SPDYE5: variants seen among roughly 807,000 people sequenced by gnomAD.
SPDYE5 encodes speedy protein E5.
A neutral mutation model predicts 48.5 loss-of-function variants in SPDYE5; 15 were observed. That is an observed-to-expected ratio of 0.31 (90% CI 0.21 to 0.48). The LOEUF (loss-of-function observed/expected upper bound fraction) is 0.48, where lower values mean the gene tolerates loss of function less well. Among genes scored for constraint, SPDYE5 ranks in the 20% least tolerant of loss-of-function variants. The pLI is 0.99. For synonymous variants in SPDYE5, 116 were observed against 200.7 expected, an observed-to-expected ratio of 0.58 and a Z score of 3.57; for missense variants, 331 against 549.1, an observed-to-expected ratio of 0.60 and a Z score of 3.97.
rs374159774 is a variant in SPDYE5, at chr7:75,496,864, C to T, written c.570C>T (p.Leu190=). Residue 190 remains leucine, a synonymous_variant, in exon 4 of 9, where the codon CTC becomes CTT. Coordinates refer to ENST00000625065, the MANE Select transcript of SPDYE5 (RefSeq NM_001306141.4). ...KMKLKRRRVS[L]VLPEHHEAFN... ...AGCTGAAGCGACGGCGAGTGTCGCT[C>T]GTGCTCCCTGAGCACCACGAGGCCT... The T allele has an allele frequency of 3.0e-4, 450 of 1,491,510 alleles. 2 individuals carry two copies. The East Asian group carries it at 0.01, about 34-fold the overall frequency. The allele number at this position is 1,491,510 out of a possible 1,614,324, so 92.4% of individuals were successfully genotyped here.
chr7:75,501,527 C>A lies in SPDYE5; in HGVS notation c.921C>A (p.Pro307=), dbSNP rs781922462. ...CCAGGAAGAAGCGCTCTCGCATACCCTTGCTCCGTAAGCGTCGGTTCCAGT... is the reference window on the plus strand; with the variant it reads ...CCAGGAAGAAGCGCTCTCGCATACCATTGCTCCGTAAGCGTCGGTTCCAGT... The part of the protein sequence containing the change: ...PRARKKRSRI[P]LLRKRRFQLG... The change falls in exon 7 of 9, where the codon CCC becomes CCA. Residue 307 remains proline, a synonymous_variant. Transcript: ENST00000625065. 2 of 1,514,128 alleles carry A rather than the reference C, an allele frequency of 1.3e-6. No individual in the cohort carries two copies. Among genetic ancestry groups the A allele is most frequent in the African/African-American group, 1.4e-5 (1 of 72,398 alleles). 93.8% of individuals were successfully genotyped at this position (1,514,128 alleles called of 1,614,324 possible). A position where few individuals can be genotyped will look rare whatever the true frequency, so the allele number is the denominator to read the frequency against.
intron 4 of SPDYE5, among the ~76,000 whole-genome samples, chr7:75,497,264 A>C (rs879950840): frequency 4.0e-5 from 6 of 151,674 alleles, no homozygotes; most frequent in Admixed American, 6.6e-5. Context: ...AGAGCAAAAC[A>C]CTGTCTCAAA....
intron 3 of SPDYE5, among the ~76,000 whole-genome samples, chr7:75,495,928 G>A (rs2116601805): frequency 6.6e-6 from 1 of 151,878 alleles, no homozygotes; most frequent in Non-Finnish European, 1.5e-5. Context: ...TACTCGGGAG[G>A]CTGAGACAGG....
Position 75,503,780 on chromosome 7 carries a change from T to C in SPDYE5, c.*993T>C, listed in dbSNP as rs1322153155. The C allele has an allele frequency of 6.7e-6, 1 of 149,556 alleles. No individual in the cohort carries two copies. The highest frequency in any genetic ancestry group is 1.5e-5 in the Non-Finnish European group (1 of 67,450). 9.3% of individuals were successfully genotyped at this position (149,556 alleles called of 1,614,324 possible). ...ATAGAATTATTTAAATATTATTTTA[T>C]TTATTGAAATATTTATTAAATATAT... On this transcript the variant is annotated 3_prime_UTR_variant, in exon 9 of 9. Coordinates refer to ENST00000625065, the MANE Select transcript of SPDYE5 (RefSeq NM_001306141.4).
At chr7:75,502,046 C>G in intron 8 of SPDYE5, 64 bp downstream of exon 8, 1 of 1,516,646 alleles carries the variant, frequency 6.6e-7, no homozygotes, top group South Asian at 1.2e-5. Context: ...TCCGAAGAAC[C>G]CAATTGCTTG....
At position 75,494,191 on chromosome 7, in the gene SPDYE5, A is replaced by G; in HGVS notation, c.144A>G (p.Glu48=). The stretch of plus-strand genomic sequence containing the variant: ...CCCTCCAGGAGGTGGTGGATGATGA[A>G]GTGTTGGGACCATCAGGTGAGGGGA... ...GYPLQEVVDD[E]VLGPSAPGVD... Residue 48 remains glutamate (E), a synonymous_variant, in exon 2 of 9, where the codon GAA becomes GAG. Coordinates refer to ENST00000625065, the MANE Select transcript of SPDYE5 (RefSeq NM_001306141.4). The G allele has an allele frequency of 6.5e-7, 1 of 1,534,804 alleles. No individual in the cohort carries two copies. The highest frequency in any genetic ancestry group is 1.2e-5 in the South Asian group (1 of 83,952).
intron 2 of SPDYE5, 113 bp downstream of exon 2, chr7:75,494,320 C>T (rs1430072927): frequency 2.0e-5 from 28 of 1,423,442 alleles, no homozygotes; most frequent in East Asian, 1.7e-4. Context: ...CCGAGGCGGG[C>T]GGATCACCTG....
In SPDYE5 at chr7:75,503,337, C is replaced by T. The variant is rs1554483910; in HGVS notation, c.*550C>T. ...CATTGAATTATTCATAGATTTATTT[C>T]AAATAGTTTGGAAATTGTTGTACTT... On this transcript the variant is annotated 3_prime_UTR_variant, in exon 9 of 9. Coordinates refer to ENST00000625065, the MANE Select transcript of SPDYE5 (RefSeq NM_001306141.4). 5.4e-6 allele frequency: 1 copy of T among 183,610 alleles called. No homozygotes were observed. The highest frequency in any genetic ancestry group is 2.4e-5 in the African/African-American group (1 of 41,604). The allele number at this position is 183,610 out of a possible 1,614,324, so 11.4% of individuals were successfully genotyped here. A position where few individuals can be genotyped will look rare whatever the true frequency, so the allele number is the denominator to read the frequency against.
At chr7:75,502,241 C>T (rs1378384154) in intron 8 of SPDYE5, among the ~76,000 whole-genome samples, 4 of 140,098 alleles carry the variant, frequency 2.9e-5, no homozygotes, top group African/African-American at 5.4e-5. Flanking sequence ...CCAGCCCGGG[C>T]GACAGAGTGA....
At position 75,501,431 on chromosome 7, in the gene SPDYE5, G is replaced by A. The variant is rs1290889259; in HGVS notation, c.825G>A (p.Gly275=). Residue 275 remains glycine, a synonymous_variant, in exon 7 of 9, where the codon GGG becomes GGA. Coordinates refer to ENST00000625065, the MANE Select transcript of SPDYE5 (RefSeq NM_001306141.4). ...AAAACATCTTCCACTTCCTGTATGG[G>A]AAGAACCGCTCTCGCATACCCTTGC... ...SKQNIFHFLY[G]KNRSRIPLLR... 7 of 1,612,724 alleles carry A rather than the reference G, an allele frequency of 4.3e-6. No homozygotes were observed. The highest frequency in any genetic ancestry group is 5.1e-6 in the Non-Finnish European group (6 of 1,179,892).
intron 6 of SPDYE5, 53 bp from the exon 7 acceptor site, chr7:75,501,309 C>T (rs1470137303): frequency 5.0e-6 from 8 of 1,610,960 alleles, no homozygotes; most frequent in Middle Eastern, 2.3e-4. Context: ...TGACCTCAGC[C>T]GGAGGCCTCT....
chr7:75,496,068 C>G (rs1255189662), intron 3 of SPDYE5, among the ~76,000 whole-genome samples: 1 of 146,570 alleles, frequency 6.8e-6, no homozygotes, highest in Non-Finnish European at 1.5e-5. Context: ...CAGGAAGGAG[C>G]ACGTGAGGAG....
rs1792884619 is a variant in SPDYE5, at chr7:75,495,333, C to T, written c.338C>T (p.Pro113Leu). The change falls in exon 3 of 9, where the codon CCC becomes CTC. Residue 113 changes from proline to leucine, a missense_variant. Coordinates refer to ENST00000625065, the MANE Select transcript of SPDYE5 (RefSeq NM_001306141.4). ...AAGCTGAAGCAACAGCGAGTGTCAC[C>T]CATCCTCCCTGAGCACCACAAGGGC... is the stretch of plus-strand genomic sequence containing the variant. ...KMKLKQQRVS[P>L]ILPEHHKGFN... 6.3e-7 allele frequency: 1 copy of T among 1,597,504 alleles called. No individual in the cohort carries two copies. The highest frequency in any genetic ancestry group is 8.5e-7 in the Non-Finnish European group (1 of 1,179,894).
Position 75,501,683 on chromosome 7 carries a change from C to G in SPDYE5, c.1077C>G (p.Phe359Leu). 1 of 1,613,672 alleles carries G rather than the reference C, an allele frequency of 6.2e-7. No individual in the cohort carries two copies. The stretch of plus-strand genomic sequence containing the variant: ...AGAACCGCTCTCAGATAGTCCTGTT[C>G]CAGAAACGTCGGTTCCAGTTCTTCT... Reference protein sequence around the residue: ...ARKNRSQIVLFQKRRFQFFCS... With the variant: ...ARKNRSQIVLLQKRRFQFFCS... Residue 359 changes from phenylalanine to leucine, a missense_variant, in exon 7 of 9, where the codon TTC becomes TTG. This residue lies in a region of SPDYE5 where 101 missense variants were observed against 104.0 expected (regional missense o/e 0.97). Coordinates refer to ENST00000625065, the MANE Select transcript of SPDYE5 (RefSeq NM_001306141.4).
chr7:75,499,766 CAAAA>C (rs1207603153), intron 6 of SPDYE5, among the ~76,000 whole-genome samples: 9 of 17,886 alleles, frequency 5.0e-4, no homozygotes, highest in African/African-American at 6.8e-4. Context: ...GACTTTTTCT[CAAAA>C]AAAAAAAAAA....
In SPDYE5 at chr7:75,501,553, T is replaced by C. The variant is rs781892246; in HGVS notation, c.947T>C (p.Leu316Ser). 1.2e-6 allele frequency: 2 copies of C among 1,603,010 alleles called. No individual in the cohort carries two copies. Among genetic ancestry groups the C allele is most frequent in the Admixed American group, 1.7e-5 (1 of 59,296 alleles). ...TTGCTCCGTAAGCGTCGGTTCCAGT[T>C]AGGCCGTTCCATGAACCCGAGGGCC... ...IPLLRKRRFQ[L>S]GRSMNPRARK... is the part of the protein sequence containing the mutation. Residue 316 changes from leucine (L) to serine (S), a missense_variant, in exon 7 of 9, where the codon TTA becomes TCA. Transcript: ENST00000625065.
rs1380976858 is a variant in SPDYE5 at position 75,503,539 on chromosome 7, A to C, written c.*752A>C. On this transcript the variant is annotated 3_prime_UTR_variant, in exon 9 of 9. Transcript: ENST00000625065. ...CCTGAAGCGAGCACTCTTTTTATCT[A>C]TGATACTTCCATAATAATCTCTTCT... is the stretch of plus-strand genomic sequence containing the variant. The C allele has an allele frequency of 6.6e-6, 1 of 151,888 alleles. No individual in the cohort carries two copies. The highest frequency in any genetic ancestry group is 2.4e-5 in the African/African-American group (1 of 41,514). 9.4% of individuals were successfully genotyped at this position (151,888 alleles called of 1,614,324 possible). A position where few individuals can be genotyped will look rare whatever the true frequency, so the allele number is the denominator to read the frequency against.
rs181346793 is a variant in SPDYE5 at position 75,502,898 on chromosome 7, C to A, written c.*111C>A. On this transcript the variant is annotated 3_prime_UTR_variant, in exon 9 of 9. Transcript: ENST00000625065. ...TTTATTCCAATGCTAATGGCAGACA[C>A]CAGGAAGGAGGAGAGGAACCATTTG... The A allele has an allele frequency of 6.3e-6, 6 of 951,278 alleles. No homozygotes were observed. The highest frequency in any genetic ancestry group is 8.8e-6 in the Non-Finnish European group (6 of 685,030). The allele number at this position is 951,278 out of a possible 1,614,324, so 58.9% of individuals were successfully genotyped here.
At chr7:75,492,464 G>A (rs1792770890) in intron 1 of SPDYE5, among the ~76,000 whole-genome samples, 23 bp downstream of exon 1, 1 of 152,118 alleles carries the variant, frequency 6.6e-6, no homozygotes, top group Non-Finnish European at 1.5e-5. Context: ...TTTTGAGATG[G>A]AGTTTTGCTC....
Sources: gnomAD v4.1 joint callset for allele counts (sites outside exome capture counted in the v4.1 genomes callset) on GRCh38, gnomAD v4.1.1 for gene constraint, gnomAD v4.1.1 regional missense constraint, MANE v1.5 for transcripts, NCBI Gene and HGNC (gene_info 2026-07-23, HGNC 2026-07-21) for gene names.